Variants in FAM83B observed in about 807,000 individuals in gnomAD.
FAM83B encodes the protein scaffolding CK1 anchoring protein B.
FAM83B carries 26 observed loss-of-function variants against 38.8 expected under a neutral mutation model. The observed-to-expected ratio is 0.67, with a 90% CI of 0.49 to 0.93. The LOEUF (loss-of-function observed/expected upper bound fraction) is 0.93, where lower values mean the gene tolerates loss of function less well. Among genes scored for constraint, FAM83B ranks in the 40% least tolerant of loss-of-function variants. The pLI, the probability that FAM83B is intolerant of heterozygous loss-of-function variation, is 0.00. For missense variants in FAM83B, 1,237 were observed against 1,197.3 expected (o/e 1.03, Z -0.49); for synonymous variants, 419 against 423.1 (o/e 0.99, Z 0.12).
chr6:54,906,309 G>A (rs1421825608), intron 2 of FAM83B, among the ~76,000 whole-genome samples: 3 of 151,760 alleles, frequency 2.0e-5, no homozygotes, highest in Non-Finnish European at 4.4e-5. Context: ...GAATTGAGTT[G>A]GTGTTTTGGT....
intron 2 of FAM83B, among the ~76,000 whole-genome samples, chr6:54,906,532 G>A (rs1208535667): frequency 4.0e-5 from 6 of 151,822 alleles, no homozygotes; most frequent in Admixed American, 6.6e-5. Flanking sequence ...TCACAGGCGC[G>A]TGCCCCTATG....
At chr6:54,860,006 C>T (rs1192384525) in intron 1 of FAM83B, among the ~76,000 whole-genome samples, 1 of 151,656 alleles carries the variant, frequency 6.6e-6, no homozygotes, top group African/African-American at 2.4e-5. Flanking sequence ...TTCAAAAAAC[C>T]ACCTGTAGAA....
chr6:54,846,559 T>A (rs1771136588), upstream of FAM83B, among the ~76,000 whole-genome samples: 1 of 152,200 alleles, frequency 6.6e-6, no homozygotes, highest in Non-Finnish European at 1.5e-5. Flanking sequence ...TCAGACAGGT[T>A]CCGAGCGCTT....
chr6:54,867,070 T>A (rs16886088), intron 1 of FAM83B, among the ~76,000 whole-genome samples: 14,828 of 151,764 alleles, frequency 0.098, 834 homozygotes, highest in African/African-American at 0.15. Context: ...TCAGCTTACA[T>A]GGCATAGTGA....
intron 4 of FAM83B, among the ~76,000 whole-genome samples, chr6:54,938,034 T>C (rs117978608): frequency 1.3e-5 from 2 of 152,110 alleles, no homozygotes; most frequent in East Asian, 1.9e-4. Context: ...ACCCCTCTCC[T>C]ACCCTCCTTC....
chr6:54,859,737 T>A (rs1245322795), intron 1 of FAM83B, among the ~76,000 whole-genome samples: 1 of 152,170 alleles, frequency 6.6e-6, no homozygotes, highest in Non-Finnish European at 1.5e-5. Flanking sequence ...TTTTTTTCCT[T>A]TATGGGTCTG....
At chr6:54,935,292 C>A (rs1773502951) in intron 4 of FAM83B, among the ~76,000 whole-genome samples, 1 of 152,032 alleles carries the variant, frequency 6.6e-6, no homozygotes, top group African/African-American at 2.4e-5. Flanking sequence ...TTAGTGGGCA[C>A]TGGAGACAGA....
intron 2 of FAM83B, among the ~76,000 whole-genome samples, chr6:54,885,957 T>TA (rs1476580599): frequency 1.1e-4 from 10 of 92,802 alleles, no homozygotes; most frequent in African/African-American, 6.6e-4. Flanking sequence ...CCCTAAAACT[T>TA]AAAGTATAAT....
chr6:54,902,681 T>C (rs1245493019), intron 2 of FAM83B, among the ~76,000 whole-genome samples: 1 of 152,188 alleles, frequency 6.6e-6, no homozygotes, highest in African/African-American at 2.4e-5. Flanking sequence ...GCTCCCCTTA[T>C]TTTGTGTAAA....
At chr6:54,927,727 G>C in intron 4 of FAM83B, 95 bp downstream of exon 4, 7 of 33,554 alleles carry the variant, frequency 2.1e-4, no homozygotes, top group East Asian at 1.8e-3. Flanking sequence ...TTTCTTAAAA[G>C]TAAAAAAAAA....
chr6:54,875,168 G>A (rs775640189), intron 2 of FAM83B, among the ~76,000 whole-genome samples: 1 of 152,020 alleles, frequency 6.6e-6, no homozygotes, highest in Non-Finnish European at 1.5e-5. Flanking sequence ...TTTAAATCTG[G>A]TGTTCCTATC....
intron 2 of FAM83B, 106 bp from the exon 3 acceptor site, chr6:54,926,265 G>A (rs529987885): frequency 1.7e-6 from 1 of 574,984 alleles, no homozygotes; most frequent in Non-Finnish European, 3.0e-6. Context: ...ATACATATAT[G>A]TATTTAATTT....
intron 2 of FAM83B, among the ~76,000 whole-genome samples, chr6:54,883,635 C>T (rs748090506): frequency 3.3e-5 from 5 of 151,668 alleles, no homozygotes; most frequent in East Asian, 1.9e-4. Flanking sequence ...CGCACCTGGC[C>T]GATTGTTTAA....
In FAM83B at chr6:54,941,247, A is replaced by C. The variant is rs764525575; in HGVS notation, c.2276A>C (p.Lys759Thr). 2 of 1,613,368 alleles carry C rather than the reference A, an allele frequency of 1.2e-6. No individual in the cohort carries two copies. The highest frequency in any genetic ancestry group is 3.3e-5 in the Admixed American group (2 of 59,860). The part of the protein sequence containing the change: ...EESNKELASK[K>T]EVKGSPSFLK... The stretch of plus-strand genomic sequence containing the variant: ...TCTAACAAAGAACTTGCTTCAAAGA[A>C]GGAAGTTAAGGGTTCCCCAAGTTTT... The change falls in exon 5 of 5, where the codon AAG becomes ACG. Residue 759 changes from lysine (K) to threonine (T), a missense_variant. Coordinates refer to ENST00000306858, the MANE Select transcript of FAM83B (RefSeq NM_001010872.3).
At chr6:54,911,060 T>C (rs912575996) in intron 2 of FAM83B, among the ~76,000 whole-genome samples, 1 of 152,008 alleles carries the variant, frequency 6.6e-6, no homozygotes, top group Non-Finnish European at 1.5e-5. Flanking sequence ...TATTTTTCTT[T>C]TCTTAGTCTG....
rs76434524 is a variant in FAM83B, at chr6:54,927,521, G to A, written c.623G>A (p.Arg208Gln). The change falls in exon 4 of 5, where the codon CGA (arginine) becomes CAA (glutamine). Residue 208 changes from arginine (R) to glutamine (Q), a missense_variant. By Grantham distance (43) the Arg-to-Gln change is conservative. Transcript: ENST00000306858. Reference sequence around the variant, plus strand: ...ATATAATTCTAGAATATTCGAGTGCGAACAGTAAAAGGCCAAGATTATCTT... The same window carrying A: ...ATATAATTCTAGAATATTCGAGTGCAAACAGTAAAAGGCCAAGATTATCTT... ...SVQRLRNIRV[R>Q]TVKGQDYLSK... 707 of 1,600,086 alleles carry A rather than the reference G, an allele frequency of 4.4e-4. 3 individuals carry two copies. In the African/African-American group the frequency reaches 7.4e-3, roughly 17 times the overall value.
At chr6:54,856,337 A>G (rs906010221) in intron 1 of FAM83B, among the ~76,000 whole-genome samples, 4 of 152,216 alleles carry the variant, frequency 2.6e-5, no homozygotes, top group African/African-American at 9.6e-5. Context: ...TGAAAGTGAA[A>G]TAAGCTGCCA....
chr6:54,920,778 A>G (rs1773149496), intron 2 of FAM83B, among the ~76,000 whole-genome samples: 1 of 151,938 alleles, frequency 6.6e-6, no homozygotes, highest in South Asian at 2.1e-4. Context: ...AGGCTTCACA[A>G]TCTTATGCAA....
At chr6:54,936,335 C>T (rs1171408936) in intron 4 of FAM83B, among the ~76,000 whole-genome samples, 3 of 151,982 alleles carry the variant, frequency 2.0e-5, no homozygotes, top group African/African-American at 2.4e-5. Flanking sequence ...TATTTAATAA[C>T]GTATGGATGT....
Sources: gnomAD v4.1 joint callset for allele counts (sites outside exome capture counted in the v4.1 genomes callset) on GRCh38, gnomAD v4.1.1 for gene constraint, MANE v1.5 for transcripts, NCBI Gene and HGNC (gene_info 2026-07-23, HGNC 2026-07-21) for gene names.